The following HTR7 variants were observed in gnomAD, a reference collection of about 807,000 sequenced individuals.
The protein encoded by HTR7 is 5-hydroxytryptamine receptor 7.
In HTR7, 16 loss-of-function variants were observed where a neutral mutation model predicts 34.0. The observed-to-expected ratio is 0.47, with a 90% CI of 0.32 to 0.71. The LOEUF (loss-of-function observed/expected upper bound fraction) is 0.71. Among genes scored for constraint, HTR7 ranks in the 30% least tolerant of loss-of-function variants. HTR7 has a pLI of 0.04. For missense variants in HTR7, 504 were observed against 625.5 expected (o/e 0.81, Z 2.07); for synonymous variants, 265 against 260.2 (o/e 1.02, Z -0.18).
At chr10:90,811,870 T>TAATTC (rs1291663988) in intron 1 of HTR7, among the ~76,000 whole-genome samples, 14 of 152,178 alleles carry the variant, frequency 9.2e-5, no homozygotes, top group African/African-American at 3.4e-4. Context: ...CTGTCAGACA[T>TAATTC]AATTCCTTAG....
intron 1 of HTR7, among the ~76,000 whole-genome samples, chr10:90,778,971 G>A (rs1367416326): frequency 6.6e-6 from 1 of 152,178 alleles, no homozygotes; most frequent in Non-Finnish European, 1.5e-5. Flanking sequence ...CCCCCAGCTG[G>A]TGTACCCCCA....
intron 1 of HTR7, among the ~76,000 whole-genome samples, chr10:90,767,582 G>C (rs1845043718): frequency 1.3e-5 from 2 of 152,018 alleles, no homozygotes; most frequent in Non-Finnish European, 1.5e-5. Context: ...TCTTTATTCT[G>C]GGCTGGCCTT....
chr10:90,857,786 C>T lies in HTR7; in HGVS notation c.-115G>A, dbSNP rs534613886. The stretch of plus-strand genomic sequence containing the variant: ...CTCCGCCCGGCCCAGCCATGGGGCC[C>T]GCGCCGACCGCTGGGGGGCGCCTGG... On this transcript the variant is annotated 5_prime_UTR_variant, in exon 1 of 4. Coordinates refer to ENST00000336152, the MANE Select transcript of HTR7 (RefSeq NM_019859.4). This position sits in a 1 kb window ranked among gnomAD's most constrained non-coding sequence, Gnocchi z 6.5. 25 of 1,032,624 alleles carry T rather than the reference C, an allele frequency of 2.4e-5. 1 individual carries two copies. Among genetic ancestry groups the T allele is most frequent in the Non-Finnish European group, 6.3e-6 (5 of 791,630 alleles). 64.0% of individuals were successfully genotyped at this position (1,032,624 alleles called of 1,614,324 possible).
intron 2 of HTR7, 94 bp downstream of exon 2, chr10:90,748,745 A>ATAG: frequency 7.6e-7 from 1 of 1,317,584 alleles, no homozygotes; most frequent in Non-Finnish European, 1.0e-6. Flanking sequence ...AAACTAAGCT[A>ATAG]GCTACTCGTT....
chr10:90,840,921 G>T (rs1243374306), intron 1 of HTR7, among the ~76,000 whole-genome samples: 1 of 152,184 alleles, frequency 6.6e-6, no homozygotes, highest in Non-Finnish European at 1.5e-5. Context: ...TCCAAGGCCT[G>T]GGCAGTATTC....
chr10:90,798,171 G>A (rs1392496392), intron 1 of HTR7, among the ~76,000 whole-genome samples: 2 of 152,118 alleles, frequency 1.3e-5, no homozygotes, highest in South Asian at 2.1e-4. Flanking sequence ...AAAAATGGGA[G>A]TTGTTGTTTT....
At chr10:90,815,236 C>G (rs113523053) in intron 1 of HTR7, among the ~76,000 whole-genome samples, 1 of 151,846 alleles carries the variant, frequency 6.6e-6, no homozygotes, top group Non-Finnish European at 1.5e-5. Flanking sequence ...GGAGTACAGG[C>G]GCCCACCACC....
intron 2 of HTR7, among the ~76,000 whole-genome samples, chr10:90,746,805 C>T (rs1844644810): frequency 6.6e-6 from 1 of 152,116 alleles, no homozygotes; most frequent in African/African-American, 2.4e-5. Context: ...CAGCCCAAGC[C>T]CCAAAACCCT....
At chr10:90,819,147 T>C (rs142709821) in intron 1 of HTR7, among the ~76,000 whole-genome samples, 36 of 152,294 alleles carry the variant, frequency 2.4e-4, no homozygotes, top group Middle Eastern at 6.8e-3. Context: ...CAGGTACTGT[T>C]ACAGCAACCC....
intron 1 of HTR7, among the ~76,000 whole-genome samples, chr10:90,786,145 G>C (rs1845377477): frequency 6.6e-6 from 1 of 152,134 alleles, no homozygotes; most frequent in Non-Finnish European, 1.5e-5. Context: ...ACATAATTTA[G>C]AAGAGCAGGC....
chr10:90,818,596 A>T (rs989682004), intron 1 of HTR7, among the ~76,000 whole-genome samples: 6 of 151,750 alleles, frequency 4.0e-5, no homozygotes, highest in African/African-American at 1.5e-4. Context: ...ATGTTCTCAC[A>T]CTCTCTTGGC....
chr10:90,785,092 G>C (rs1845361356), intron 1 of HTR7, among the ~76,000 whole-genome samples: 3 of 152,172 alleles, frequency 2.0e-5, no homozygotes. Flanking sequence ...GCTGCAGGAG[G>C]CTATAAGTGA....
intron 1 of HTR7, among the ~76,000 whole-genome samples, chr10:90,787,358 C>A (rs974696101): frequency 1.3e-5 from 2 of 151,950 alleles, no homozygotes; most frequent in African/African-American, 4.8e-5. Flanking sequence ...TGTGGTGGCA[C>A]GCACCTGTAC....
intron 1 of HTR7, among the ~76,000 whole-genome samples, chr10:90,844,821 T>C (rs1381265599): frequency 6.9e-6 from 1 of 145,164 alleles, no homozygotes; most frequent in East Asian, 2.1e-4. Flanking sequence ...ATCTGGAGGA[T>C]ATTTTCAAAT....
In HTR7 at chr10:90,857,103, G is replaced by T; in HGVS notation, c.539+30C>A. ...TGAGCTGCCAGCCGGTCCCCAGCCGGAGCCTGGGACGGGGCGGTCCGGCCC... is the reference window on the plus strand; with the variant it reads ...TGAGCTGCCAGCCGGTCCCCAGCCGTAGCCTGGGACGGGGCGGTCCGGCCC... On this transcript the variant is annotated intron_variant, in intron 1 of 3. Coordinates refer to ENST00000336152, the MANE Select transcript of HTR7 (RefSeq NM_019859.4). This position sits in a 1 kb window ranked among gnomAD's most constrained non-coding sequence, Gnocchi z 6.5. 1 of 1,506,122 alleles carries T rather than the reference G, an allele frequency of 6.6e-7. No individual in the cohort carries two copies. Among genetic ancestry groups the T allele is most frequent in the Non-Finnish European group, 8.9e-7 (1 of 1,122,670 alleles). 93.3% of individuals were successfully genotyped at this position (1,506,122 alleles called of 1,614,324 possible).
At chr10:90,807,978 A>G (rs1211046435) in intron 1 of HTR7, among the ~76,000 whole-genome samples, 1 of 151,798 alleles carries the variant, frequency 6.6e-6, no homozygotes. Flanking sequence ...CCTTCTTTCA[A>G]TTTCAATTCC....
At chr10:90,762,340 A>G (rs1477962094) in intron 1 of HTR7, among the ~76,000 whole-genome samples, 1 of 152,186 alleles carries the variant, frequency 6.6e-6, no homozygotes, top group Non-Finnish European at 1.5e-5. Context: ...AAAAAGTGTG[A>G]GGTGATCGCT....
intron 1 of HTR7, among the ~76,000 whole-genome samples, chr10:90,841,710 A>G (rs2120091619): frequency 6.6e-6 from 1 of 152,244 alleles, no homozygotes; most frequent in South Asian, 2.1e-4. Context: ...GCCTTGGAAG[A>G]CCCTGCTGGC....
intron 1 of HTR7, among the ~76,000 whole-genome samples, chr10:90,824,962 G>A (rs1467772665): frequency 1.3e-5 from 2 of 152,244 alleles, no homozygotes; most frequent in African/African-American, 2.4e-5. Flanking sequence ...CCTGCTGGCT[G>A]TAGAGCCCTA....
Sources: allele counts gnomAD v4.1 joint callset (sites outside exome capture counted in the v4.1 genomes callset), GRCh38; gene constraint gnomAD v4.1.1; non-coding constraint Gnocchi (gnomAD v3.1); transcripts MANE v1.5; gene names NCBI Gene and HGNC (gene_info 2026-07-23, HGNC 2026-07-21).